The following VTI1A variants were observed in gnomAD, a reference collection of about 807,000 sequenced individuals.
VTI1A encodes vesicle transport through interaction with t-SNAREs homolog 1A.
Under a neutral mutation model 34.9 loss-of-function variants are expected in VTI1A, and 22 were observed. The ratio of observed to expected loss-of-function variants is 0.63; its 90% CI spans 0.45 to 0.90. VTI1A has a LOEUF of 0.90. Among genes scored for constraint, VTI1A ranks in the 40% least tolerant of loss-of-function variants. The pLI is 0.00. For synonymous variants in VTI1A, 87 were observed against 97.3 expected (o/e 0.89, Z 0.62); for missense variants, 268 against 275.6 (o/e 0.97, Z 0.20).
rs887581027 is a variant in VTI1A, at chr10:112,656,419, T to A, written c.428-11799T>A. On this transcript the variant is annotated intron_variant, in intron 5 of 7. Transcript: ENST00000393077. Reference sequence around the variant, plus strand: ...TTTTTTTTTTTTTTAAACAGGGTCTTTCTCTGTCACCCAGGCTGGCCTAGA... The same window carrying A: ...TTTTTTTTTTTTTTAAACAGGGTCTATCTCTGTCACCCAGGCTGGCCTAGA... Among the ~76,000 whole-genome samples, 6 of 151,148 alleles carry A rather than the reference T, an allele frequency of 4.0e-5. No individual in the cohort carries two copies. The South Asian group carries it at 1.1e-3, about 27-fold the overall frequency.
intron 7 of VTI1A, among the ~76,000 whole-genome samples, chr10:112,808,133 A>G (rs1469981770): frequency 6.6e-6 from 1 of 152,126 alleles, no homozygotes; most frequent in Non-Finnish European, 1.5e-5. Flanking sequence ...TGGGACGATC[A>G]CTTGAGTCCA....
Position 112,742,712 on chromosome 10 carries a change from C to T in VTI1A, c.561-72578C>T, listed in dbSNP as rs530468472. On this transcript the variant is annotated intron_variant, in intron 7 of 7. Coordinates refer to ENST00000393077, the MANE Select transcript of VTI1A (RefSeq NM_145206.4). ...CAGAGAAAAGATTTCTAGTTGGCAT[C>T]TCTGTTCTATGATCATTTTCACAAG... 4.1e-4 allele frequency among the ~76,000 whole-genome samples: 63 copies of T among 152,242 alleles called. No individual in the cohort carries two copies. The Middle Eastern group carries it at 0.01, about 25-fold the overall frequency.
intron 7 of VTI1A, chr10:112,752,333 TC>T: frequency 1.0e-6 from 1 of 981,912 alleles, no homozygotes; most frequent in Non-Finnish European, 1.2e-6. Flanking sequence ...TGTCCTCTGA[TC>T]CCCCTCTGTC....
chr10:112,630,872 A>G (rs919821851), intron 5 of VTI1A, among the ~76,000 whole-genome samples: 4 of 152,224 alleles, frequency 2.6e-5, no homozygotes, highest in African/African-American at 9.6e-5. Context: ...CTGTAATCCC[A>G]GCACTTTGGG....
intron 3 of VTI1A, among the ~76,000 whole-genome samples, chr10:112,470,889 A>AAAAAT (rs1589803568): frequency 6.6e-6 from 1 of 152,168 alleles, no homozygotes; most frequent in African/African-American, 2.4e-5. Flanking sequence ...CTCAGTGTCA[A>AAAAAT]AAAATAAAAT....
At chr10:112,463,681 A>G (rs528959887) in intron 2 of VTI1A, among the ~76,000 whole-genome samples, 2 of 152,170 alleles carry the variant, frequency 1.3e-5, no homozygotes, top group East Asian at 3.9e-4. Flanking sequence ...GTAATTTAGC[A>G]TATTACTGTA....
At chr10:112,777,066 A>G (rs1851974493) in intron 7 of VTI1A, among the ~76,000 whole-genome samples, 1 of 151,930 alleles carries the variant, frequency 6.6e-6, no homozygotes. Context: ...TTTTTTTCCT[A>G]ATTGGTAGTG....
chr10:112,690,952 G>A (rs1285966356), intron 7 of VTI1A, among the ~76,000 whole-genome samples: 1 of 152,054 alleles, frequency 6.6e-6, no homozygotes, highest in Non-Finnish European at 1.5e-5. Flanking sequence ...TCCCAGGCTG[G>A]GCCTGTGCAT....
rs114006938 is a variant in VTI1A, at chr10:112,670,126, A to G, written c.560+1128A>G. ...CTCAGAATTCAGAGAGAAGGGTAGT[A>G]GCAATTGAAAGGAATGCTTCAGTGC... On this transcript the variant is annotated intron_variant, in intron 7 of 7. Transcript: ENST00000393077. Among the ~76,000 whole-genome samples the G allele has an allele frequency of 7.4e-3, 1,129 of 152,284 alleles. 10 individuals are homozygous for G. Among genetic ancestry groups the G allele is most frequent in the African/African-American group, 0.026 (1,090 of 41,566 alleles).
chr10:112,501,613 A>G (rs1169567699), intron 3 of VTI1A, among the ~76,000 whole-genome samples: 1 of 152,120 alleles, frequency 6.6e-6, no homozygotes, highest in South Asian at 2.1e-4. Flanking sequence ...TAATTTAGCT[A>G]CTAATTGGAA....
intron 7 of VTI1A, among the ~76,000 whole-genome samples, chr10:112,684,847 A>T (rs976003690): frequency 6.6e-6 from 1 of 151,954 alleles, no homozygotes; most frequent in Non-Finnish European, 1.5e-5. Context: ...TATGATTTGG[A>T]TCTGTTTTTT....
intron 5 of VTI1A, among the ~76,000 whole-genome samples, chr10:112,643,405 A>C (rs1473912156): frequency 6.6e-6 from 1 of 152,060 alleles, no homozygotes; most frequent in Admixed American, 6.6e-5. Flanking sequence ...AAATCTTTAA[A>C]ATTTTAGCTT....
chr10:112,785,212 A>T (rs11196108), intron 7 of VTI1A, among the ~76,000 whole-genome samples: 1 of 152,328 alleles, frequency 6.6e-6, no homozygotes, highest in East Asian at 1.9e-4. Context: ...AGGTCCATGA[A>T]GCCTGTAGAT....
chr10:112,803,543 C>T (rs142723295), intron 7 of VTI1A, among the ~76,000 whole-genome samples: 272 of 152,316 alleles, frequency 1.8e-3, no homozygotes, highest in African/African-American at 6.1e-3. Flanking sequence ...CTGGCTGTGC[C>T]GCAGATGGCT....
intron 7 of VTI1A, among the ~76,000 whole-genome samples, chr10:112,748,601 T>C (rs1309946453): frequency 2.6e-5 from 4 of 151,740 alleles, no homozygotes; most frequent in Non-Finnish European, 4.4e-5. Flanking sequence ...TACTCTTTTT[T>C]TTTTTTTAAT....
At chr10:112,737,910 G>A in intron 7 of VTI1A, 1 of 1,062,768 alleles carries the variant, frequency 9.4e-7, no homozygotes, top group Non-Finnish European at 1.1e-6. Context: ...GAGGGAGAGA[G>A]CTGAGGATGG....
intron 5 of VTI1A, among the ~76,000 whole-genome samples, chr10:112,644,251 A>G (rs1024339284): frequency 2.0e-4 from 30 of 152,236 alleles, no homozygotes; most frequent in Admixed American, 1.6e-3. Flanking sequence ...AGAGAAAACT[A>G]TCAATCAGGT....
chr10:112,502,908 G>A (rs1226878843), intron 3 of VTI1A, among the ~76,000 whole-genome samples: 1 of 152,132 alleles, frequency 6.6e-6, no homozygotes, highest in Non-Finnish European at 1.5e-5. Flanking sequence ...TATCCTTCAA[G>A]TAACTGAATT....
At chr10:112,454,509 G>A (rs1847357204) in intron 1 of VTI1A, among the ~76,000 whole-genome samples, 1 of 152,100 alleles carries the variant, frequency 6.6e-6, no homozygotes, top group Non-Finnish European at 1.5e-5. Flanking sequence ...GGCTGAGATG[G>A]GAGGACACCT....
Sources: gnomAD v4.1 joint callset for allele counts (sites outside exome capture counted in the v4.1 genomes callset) on GRCh38, gnomAD v4.1.1 for gene constraint, MANE v1.5 for transcripts, NCBI Gene and HGNC (gene_info 2026-07-23, HGNC 2026-07-21) for gene names.